The following ODAD2 variants were observed in gnomAD, a reference collection of about 807,000 sequenced individuals.
ODAD2 encodes the protein outer dynein arm-docking complex subunit 2.
Under a neutral mutation model 106.8 loss-of-function variants are expected in ODAD2, and 89 were observed. The observed-to-expected ratio is 0.83, with a 90% CI of 0.70 to 0.99. The LOEUF is 0.99. Ranked by LOEUF, ODAD2 falls within the 50% of genes least tolerant of loss-of-function variation. The pLI is 0.00. For missense variants in ODAD2, 1,168 were observed against 1,238.5 expected, an observed-to-expected ratio of 0.94 and a Z score of 0.85; for synonymous variants, 404 against 436.2, an observed-to-expected ratio of 0.93 and a Z score of 0.92.
chr10:27,926,689 T>A lies in ODAD2; in HGVS notation c.2495+8321A>T, dbSNP rs185756375. Among the ~76,000 whole-genome samples the A allele has an allele frequency of 7.2e-4, 109 of 152,238 alleles. 1 individual carries two copies. The East Asian group carries it at 0.018, about 26-fold the overall frequency. On this transcript the variant is annotated intron_variant, in intron 16 of 19. Transcript: ENST00000305242. ...TTTCAAAGTAAAATTTAGCAGAAAATTTTTTACAAAGAAAGTAAAGATCCT... is the reference window on the plus strand; with the variant it reads ...TTTCAAAGTAAAATTTAGCAGAAAAATTTTTACAAAGAAAGTAAAGATCCT...
chr10:27,976,507 C>T (rs1203444229), intron 7 of ODAD2, among the ~76,000 whole-genome samples: 1 of 151,672 alleles, frequency 6.6e-6, no homozygotes, highest in Non-Finnish European at 1.5e-5. Flanking sequence ...TAACAATAGC[C>T]CCAAAATATG....
At chr10:27,862,104 T>A (rs1840088662) in intron 18 of ODAD2, among the ~76,000 whole-genome samples, 1 of 152,184 alleles carries the variant, frequency 6.6e-6, no homozygotes, top group Non-Finnish European at 1.5e-5. Context: ...TGAAGAACCA[T>A]CGAGAATCAT....
intron 10 of ODAD2, among the ~76,000 whole-genome samples, chr10:27,948,779 A>ATTTTTTTTTT (rs11451204): frequency 2.5e-4 from 10 of 40,326 alleles, no homozygotes; most frequent in Admixed American, 1.4e-3. Flanking sequence ...TGGCCTTTGG[A>ATTTTTTTTTT]TTTTTTTTTT....
At chr10:27,898,619 T>A (rs370292057) in intron 17 of ODAD2, among the ~76,000 whole-genome samples, 6 of 152,314 alleles carry the variant, frequency 3.9e-5, no homozygotes, top group African/African-American at 1.4e-4. Context: ...GTTGGCTTAT[T>A]TCTTTCCCTG....
At chr10:27,944,090 G>A (rs1846673376) in intron 12 of ODAD2, 132 bp downstream of exon 12, 3 of 727,374 alleles carry the variant, frequency 4.1e-6, no homozygotes, top group Non-Finnish European at 6.8e-6. Flanking sequence ...AAGGGCAAGC[G>A]ATACAGACAG....
intron 14 of ODAD2, 38 bp from the exon 15 acceptor site, chr10:27,936,918 G>A (rs1846022587): frequency 6.4e-7 from 1 of 1,559,680 alleles, no homozygotes; most frequent in African/African-American, 1.4e-5. Flanking sequence ...CAGTCATCAA[G>A]GAATATCAAG....
chr10:27,944,671 A>T, intron 11 of ODAD2, 145 bp downstream of exon 11: 2 of 1,055,350 alleles, frequency 1.9e-6, no homozygotes, highest in Non-Finnish European at 2.8e-6. Flanking sequence ...GAGAAAGCTC[A>T]GTGAACAGAA....
At chr10:27,837,602 C>A (rs1303339386) in intron 19 of ODAD2, among the ~76,000 whole-genome samples, 1 of 152,148 alleles carries the variant, frequency 6.6e-6, no homozygotes, top group Admixed American at 6.5e-5. Flanking sequence ...GTTTTCACTG[C>A]TGTAAATGGA....
chr10:27,917,358 G>A (rs1387545340), intron 16 of ODAD2, among the ~76,000 whole-genome samples: 2 of 152,046 alleles, frequency 1.3e-5, no homozygotes, highest in African/African-American at 2.4e-5. Flanking sequence ...ATGTTTGTGG[G>A]ATGAGGCTAA....
At chr10:27,921,379 T>C (rs1316183351) in intron 16 of ODAD2, among the ~76,000 whole-genome samples, 1 of 152,040 alleles carries the variant, frequency 6.6e-6, no homozygotes, top group African/African-American at 2.4e-5. Context: ...AAGCTAACCT[T>C]TAAATTTTAA....
At chr10:27,894,775 C>G (rs1043390313) in intron 17 of ODAD2, among the ~76,000 whole-genome samples, 1 of 151,842 alleles carries the variant, frequency 6.6e-6, no homozygotes, top group Admixed American at 6.6e-5. Context: ...TATGCTCCCC[C>G]AGCTGACCTC....
intron 19 of ODAD2, among the ~76,000 whole-genome samples, chr10:27,857,158 C>T (rs562044945): frequency 1.2e-3 from 190 of 152,286 alleles, no homozygotes; most frequent in African/African-American, 4.4e-3. Context: ...AACTCAACTT[C>T]TTCCTCCTCC....
chr10:27,960,316 T>TTC (rs1848038657), intron 10 of ODAD2, among the ~76,000 whole-genome samples: 1 of 1,262 alleles, frequency 7.9e-4, no homozygotes, highest in Admixed American at 6.7e-3. Context: ...TTTATTTCAT[T>TTC]ATTATTATTA....
rs529864791 is a variant in ODAD2 at position 27,948,359 on chromosome 10, A to G, written c.1387-3397T>C. ...CCAAAGGGATTATAAATCTTTCAGA[A>G]TGAATACCAGAGGACAGGAGCCAAA... is the stretch of plus-strand genomic sequence containing the variant. On this transcript the variant is annotated intron_variant, in intron 10 of 19. Transcript: ENST00000305242. Among the ~76,000 whole-genome samples, 3 of 152,338 alleles carry G rather than the reference A, an allele frequency of 2.0e-5. No individual in the cohort carries two copies. In the East Asian group the frequency reaches 5.8e-4, roughly 29 times the overall value.
intron 16 of ODAD2, among the ~76,000 whole-genome samples, chr10:27,927,912 A>T (rs1315804444): frequency 6.6e-6 from 1 of 152,066 alleles, no homozygotes; most frequent in Non-Finnish European, 1.5e-5. Flanking sequence ...TATCCATGAC[A>T]TAAGTTACCA....
intron 17 of ODAD2, among the ~76,000 whole-genome samples, chr10:27,869,893 T>G (rs972861558): frequency 6.6e-6 from 1 of 152,140 alleles, no homozygotes; most frequent in Non-Finnish European, 1.5e-5. Flanking sequence ...CCAACAGTGA[T>G]GTTTGATGAT....
intron 16 of ODAD2, among the ~76,000 whole-genome samples, chr10:27,917,361 G>A (rs1390229086): frequency 2.6e-5 from 4 of 152,124 alleles, no homozygotes; most frequent in African/African-American, 2.4e-5. Context: ...TTTGTGGGAT[G>A]AGGCTAAAAC....
chr10:27,885,561 TAA>T (rs1215264291), intron 17 of ODAD2, among the ~76,000 whole-genome samples: 4 of 17,372 alleles, frequency 2.3e-4, no homozygotes, highest in African/African-American at 8.4e-4. Context: ...TATATAAATA[TAA>T]ATATATATAT....
intron 19 of ODAD2, among the ~76,000 whole-genome samples, chr10:27,832,536 G>GACACAC (rs760343073): frequency 6.6e-6 from 1 of 150,968 alleles, no homozygotes; most frequent in East Asian, 1.9e-4. Flanking sequence ...CACACACACA[G>GACACAC]ACACACACAC....
Sources: allele counts gnomAD v4.1 joint callset (sites outside exome capture counted in the v4.1 genomes callset), GRCh38; gene constraint gnomAD v4.1.1; transcripts MANE v1.5; gene names NCBI Gene and HGNC (gene_info 2026-07-23, HGNC 2026-07-21).